MTF2: variants seen among roughly 807,000 people sequenced by gnomAD.
MTF2 encodes metal-response element-binding transcription factor 2.
A neutral mutation model predicts 79.5 loss-of-function variants in MTF2; 11 were observed. That is an observed-to-expected ratio of 0.14 (90% confidence interval 0.09 to 0.23). The LOEUF (loss-of-function observed/expected upper bound fraction) is 0.23, where lower values mean the gene tolerates loss of function less well. Ranked by LOEUF, MTF2 falls within the 10% of genes least tolerant of loss-of-function variation. MTF2 has a pLI of 1.00. For synonymous variants in MTF2, 208 were observed against 232.8 expected, an observed-to-expected ratio of 0.89 and a Z score of 0.97; for missense variants, 486 against 711.2, an observed-to-expected ratio of 0.68 and a Z score of 3.60.
chr1:93,095,458 A>C (rs1448784487), intron 1 of MTF2, among the ~76,000 whole-genome samples: 1 of 152,092 alleles, frequency 6.6e-6, no homozygotes, highest in Admixed American at 6.5e-5. Flanking sequence ...CTCCTGCCTC[A>C]GCCTCCCAGG....
intron 1 of MTF2, among the ~76,000 whole-genome samples, chr1:93,107,274 G>T (rs1655832514): frequency 6.6e-6 from 1 of 152,186 alleles, no homozygotes; most frequent in Non-Finnish European, 1.5e-5. Context: ...GCCTAGGCTG[G>T]AGTGCAGTGG....
At chr1:93,107,334 C>A (rs1316426437) in intron 1 of MTF2, among the ~76,000 whole-genome samples, 2 of 152,188 alleles carry the variant, frequency 1.3e-5, no homozygotes, top group African/African-American at 4.8e-5. Context: ...AAGCGGTTCT[C>A]CTGCCTCAGC....
chr1:93,101,411 A>T (rs1655525809), intron 1 of MTF2, among the ~76,000 whole-genome samples: 1 of 123,380 alleles, frequency 8.1e-6, no homozygotes, highest in Non-Finnish European at 1.6e-5. Flanking sequence ...ATAAGGTCTC[A>T]CTCTGTTTCC....
At chr1:93,087,894 C>T (rs1463115913) in intron 1 of MTF2, among the ~76,000 whole-genome samples, 1 of 152,030 alleles carries the variant, frequency 6.6e-6, no homozygotes, top group Non-Finnish European at 1.5e-5. Context: ...GTAGTCTTCC[C>T]TTCCTATTCT....
rs1457315913 is a variant in MTF2, at chr1:93,138,892, T to C, written c.*1865T>C. Reference sequence around the variant, plus strand: ...TGAACACCAGCAGTATTTTTAGAAATTTTTCTTTAACATACTTGGAAGATG... The same window carrying C: ...TGAACACCAGCAGTATTTTTAGAAACTTTTCTTTAACATACTTGGAAGATG... On this transcript the variant is annotated 3_prime_UTR_variant, in exon 15 of 15. Coordinates refer to ENST00000370298, the MANE Select transcript of MTF2 (RefSeq NM_007358.4). 6.6e-6 allele frequency: 1 copy of C among 152,222 alleles called. No individual in the cohort carries two copies. The highest frequency in any genetic ancestry group is 1.5e-5 in the Non-Finnish European group (1 of 68,024). 9.4% of individuals were successfully genotyped at this position (152,222 alleles called of 1,614,324 possible).
chr1:93,097,517 G>A (rs1363338942), intron 1 of MTF2, among the ~76,000 whole-genome samples: 1 of 152,118 alleles, frequency 6.6e-6, no homozygotes, highest in African/African-American at 2.4e-5. Flanking sequence ...AAAATATAAA[G>A]TATGAAAACT....
chr1:93,082,484 CT>C (rs1342824832), intron 1 of MTF2, among the ~76,000 whole-genome samples: 1 of 151,950 alleles, frequency 6.6e-6, no homozygotes, highest in Admixed American at 6.6e-5. Context: ...GAGACGGGAT[CT>C]TACTGTGTTG....
At chr1:93,087,737 G>T (rs969332967) in intron 1 of MTF2, among the ~76,000 whole-genome samples, 1 of 152,158 alleles carries the variant, frequency 6.6e-6, no homozygotes, top group Admixed American at 6.5e-5. Context: ...GGATCCAAAG[G>T]TGACAAATAT....
At chr1:93,116,099 A>G (rs1656237822) in intron 6 of MTF2, among the ~76,000 whole-genome samples, 1 of 152,300 alleles carries the variant, frequency 6.6e-6, no homozygotes, top group South Asian at 2.1e-4. Context: ...GTGATAGGGC[A>G]CAGATTGTAG....
intron 7 of MTF2, among the ~76,000 whole-genome samples, chr1:93,118,938 T>C (rs1656359041): frequency 6.6e-6 from 1 of 152,270 alleles, no homozygotes; most frequent in Non-Finnish European, 1.5e-5. Context: ...TAATTTTCTT[T>C]CTGACCTTAG....
At chr1:93,112,811 CAT>C (rs2101060849) in intron 3 of MTF2, among the ~76,000 whole-genome samples, 1 of 152,164 alleles carries the variant, frequency 6.6e-6, no homozygotes, top group East Asian at 1.9e-4. Flanking sequence ...AAAATATATA[CAT>C]ATATGTTTGA....
At chr1:93,134,443 A>G (rs547511024) in intron 14 of MTF2, 7 of 426,196 alleles carry the variant, frequency 1.6e-5, no homozygotes, top group African/African-American at 1.2e-4. Flanking sequence ...GAGAAAAAGT[A>G]TACCATTGTT....
chr1:93,101,567 G>GTTTTTTTTTTT, intron 1 of MTF2, among the ~76,000 whole-genome samples: 1 of 10,434 alleles, frequency 9.6e-5, no homozygotes, highest in Non-Finnish European at 2.0e-4. Flanking sequence ...TGCTCAGGCT[G>GTTTTTTTTTTT]GTTTTTTTTT....
At position 93,115,514 on chromosome 1, in the gene MTF2, A is replaced by G. The variant is rs1397800377; in HGVS notation, c.528A>G (p.Gln176=). The change falls in exon 6 of 15, where the codon CAA becomes CAG. Residue 176 remains glutamine (Q), a synonymous_variant. Coordinates refer to ENST00000370298, the MANE Select transcript of MTF2 (RefSeq NM_007358.4). ...AAGGACCAAATGCCAAAGCATTGCA[A>G]GTCATGAAGCAGACATTACCCTATA... is the stretch of plus-strand genomic sequence containing the variant. The part of the protein sequence containing the change: ...LKKGPNAKAL[Q]VMKQTLPYSV... 4 of 1,610,590 alleles carry G rather than the reference A, an allele frequency of 2.5e-6. No homozygotes were observed. The highest frequency in any genetic ancestry group is 3.4e-6 in the Non-Finnish European group (4 of 1,178,576).
chr1:93,087,610 G>A (rs1649199596), intron 1 of MTF2, among the ~76,000 whole-genome samples: 1 of 151,774 alleles, frequency 6.6e-6, no homozygotes, highest in Non-Finnish European at 1.5e-5. Context: ...ATATACTGTG[G>A]ACAAGAGGCT....
chr1:93,131,944 C>G (rs1656933706), intron 11 of MTF2, among the ~76,000 whole-genome samples: 1 of 152,054 alleles, frequency 6.6e-6, no homozygotes, highest in African/African-American at 2.4e-5. Context: ...GCCTGGTAGC[C>G]TCCATTTTCT....
At position 93,138,924 on chromosome 1, in the gene MTF2, C is replaced by G. The variant is rs1361749146; in HGVS notation, c.*1897C>G. The G allele has an allele frequency of 6.6e-6, 1 of 152,158 alleles. No homozygotes were observed. The highest frequency in any genetic ancestry group is 1.9e-4 in the East Asian group (1 of 5,192). The allele number at this position is 152,158 out of a possible 1,614,324, so 9.4% of individuals were successfully genotyped here. A position where few individuals can be genotyped will look rare whatever the true frequency, so the allele number is the denominator to read the frequency against. ...TTAACATACTTGGAAGATGATTTAT[C>G]CAGCTGAACTGTCTTTAGACGTAAT... On this transcript the variant is annotated 3_prime_UTR_variant, in exon 15 of 15. Transcript: ENST00000370298.
At chr1:93,101,195 G>T (rs1220083701) in intron 1 of MTF2, among the ~76,000 whole-genome samples, 29 of 152,108 alleles carry the variant, frequency 1.9e-4, no homozygotes. Context: ...AGTAAACCAA[G>T]AAAGAGTTAC....
intron 1 of MTF2, among the ~76,000 whole-genome samples, chr1:93,108,397 G>A (rs1655893856): frequency 6.6e-6 from 1 of 152,016 alleles, no homozygotes; most frequent in Admixed American, 6.5e-5. Flanking sequence ...TGTTTATCTG[G>A]GAGTTTGTAT....
Sources: gnomAD v4.1 joint callset for allele counts (sites outside exome capture counted in the v4.1 genomes callset) on GRCh38, gnomAD v4.1.1 for gene constraint, MANE v1.5 for transcripts, NCBI Gene and HGNC (gene_info 2026-07-23, HGNC 2026-07-21) for gene names.